HMCN2: variants seen among roughly 807,000 people sequenced by gnomAD.
The protein encoded by HMCN2 is hemicentin-2.
In HMCN2, 325 loss-of-function variants were observed where a neutral mutation model predicts 377.5. The observed-to-expected ratio is 0.86, with a 90% CI of 0.79 to 0.94. The LOEUF (loss-of-function observed/expected upper bound fraction) is 0.94, where lower values mean the gene tolerates loss of function less well. Ranked by LOEUF, HMCN2 falls within the 40% of genes least tolerant of loss-of-function variation. The pLI, the probability that HMCN2 is intolerant of heterozygous loss-of-function variation, is 0.00. For missense variants in HMCN2, 4,543 were observed against 4,725.3 expected (o/e 0.96, Z 1.13); for synonymous variants, 2,007 against 2,046.8 (o/e 0.98, Z 0.53).
At chr9:130,277,718 CCACCACCACCACCATCATCAT>C (rs1564739192) in intron 1 of HMCN2, among the ~76,000 whole-genome samples, 128 of 138,464 alleles carry the variant, frequency 9.2e-4, no homozygotes, top group Middle Eastern at 3.7e-3. Context: ...ATCATCATCA[CCACCACCACCACCATCATCAT>C]CACCACCACC....
At chr9:130,398,136 G>C (rs4740208) in intron 74 of HMCN2, among the ~76,000 whole-genome samples, 21,404 of 117,392 alleles carry the variant, frequency 0.18, 2,325 homozygotes, top group East Asian at 0.43. Context: ...CTGGGTGACA[G>C]AGTAAGACTC....
At chr9:130,402,086 T>G (rs1404696726) in intron 77 of HMCN2, among the ~76,000 whole-genome samples, 3 of 152,070 alleles carry the variant, frequency 2.0e-5, no homozygotes, top group East Asian at 3.9e-4. Flanking sequence ...CAAAACAAAA[T>G]ACAAAACAAA....
rs1484700057 is a variant in HMCN2, at chr9:130,417,533, A to C, written c.12962-1239A>C. Among the ~76,000 whole-genome samples the C allele has an allele frequency of 6.1e-5, 9 of 146,470 alleles. No homozygotes were observed. The South Asian group carries it at 1.1e-3, about 18-fold the overall frequency. On this transcript the variant is annotated intron_variant, in intron 85 of 97. Transcript: ENST00000683500. ...TGAGACTCCGTCTCAAAAAAAAAAAAAAAACAAAAAAAAACGAGAGAGACA... is the reference window on the plus strand; with the variant it reads ...TGAGACTCCGTCTCAAAAAAAAAAACAAAACAAAAAAAAACGAGAGAGACA...
At chr9:130,416,113 T>A (rs1383457335) in intron 85 of HMCN2, among the ~76,000 whole-genome samples, 2 of 149,638 alleles carry the variant, frequency 1.3e-5, no homozygotes, top group East Asian at 2.0e-4. Flanking sequence ...TTTTTTTTTT[T>A]TTTTTTTTGG....
intron 19 of HMCN2, among the ~76,000 whole-genome samples, chr9:130,323,700 T>A (rs976120187): frequency 3.3e-5 from 5 of 152,210 alleles, no homozygotes; most frequent in African/African-American, 9.6e-5. Flanking sequence ...CTTTTTTTTT[T>A]TTTATTTTAC....
chr9:130,359,955 G>A (rs955825736), intron 37 of HMCN2, among the ~76,000 whole-genome samples: 13 of 152,160 alleles, frequency 8.5e-5, no homozygotes, highest in Non-Finnish European at 1.8e-4. Flanking sequence ...ATGCAGGGAA[G>A]CTGCAGATAC....
At chr9:130,371,201 A>C (rs1023063407) in intron 46 of HMCN2, 70 bp downstream of exon 46, 1 of 881,846 alleles carries the variant, frequency 1.1e-6, no homozygotes. Flanking sequence ...TATCCATTAC[A>C]TGCCCATGAC....
chr9:130,424,159 A>G (rs914930614), intron 87 of HMCN2, among the ~76,000 whole-genome samples: 6 of 130,728 alleles, frequency 4.6e-5, no homozygotes, highest in African/African-American at 2.1e-4. Flanking sequence ...GTCCATATAT[A>G]TATATATATA....
intron 96 of HMCN2, among the ~76,000 whole-genome samples, chr9:130,432,194 G>A (rs959659966): frequency 1.3e-4 from 20 of 152,308 alleles, no homozygotes; most frequent in Non-Finnish European, 7.4e-5. Context: ...ACTTGCTCAG[G>A]AGGCCCCCAC....
chr9:130,302,207 C>G (rs2131337752), intron 8 of HMCN2, among the ~76,000 whole-genome samples: 1 of 152,190 alleles, frequency 6.6e-6, no homozygotes, highest in East Asian at 1.9e-4. Flanking sequence ...GACACCACGC[C>G]CAGCTAAGTT....
In HMCN2 at chr9:130,351,733, G is replaced by A. The variant is rs191997206; in HGVS notation, c.4585+156G>A. Among the ~76,000 whole-genome samples the A allele has an allele frequency of 1.7e-3, 258 of 152,250 alleles. No homozygotes were observed. The highest frequency in any genetic ancestry group is 5.8e-3 in the African/African-American group (241 of 41,546). The stretch of plus-strand genomic sequence containing the variant: ...AGCTGGGGGCTGGGGTCGGGGTTGG[G>A]GTCAGGGTCAGGGGATAGAGGTTAT... On this transcript the variant is annotated intron_variant, in intron 30 of 97. Transcript: ENST00000683500. This position sits in a 1 kb window ranked among gnomAD's most constrained non-coding sequence, Gnocchi z 5.4.
chr9:130,392,859 G>GTA (rs1842401599), intron 66 of HMCN2, among the ~76,000 whole-genome samples: 1 of 151,092 alleles, frequency 6.6e-6, no homozygotes, highest in Non-Finnish European at 1.5e-5. Context: ...AGCCGGGCCT[G>GTA]GTGGCGGGCG....
intron 90 of HMCN2, among the ~76,000 whole-genome samples, chr9:130,427,042 C>T (rs1844421554): frequency 6.6e-6 from 1 of 152,194 alleles, no homozygotes; most frequent in South Asian, 2.1e-4. Context: ...TGACCTCCTG[C>T]GTTTTATTTT....
rs1028503164 is a variant in HMCN2, at chr9:130,391,520, G to A, written c.9898G>A (p.Val3300Met). The stretch of plus-strand genomic sequence containing the variant: ...CTCGGACGCGGGTGCCTACACCTGC[G>A]TGGCCCACAACCCAGCCGGGGAGGA... ...RASDAGAYTC[V>M]AHNPAGEDAR... The change falls in exon 65 of 98, where the codon GTG (valine) becomes ATG (methionine). Residue 3300 changes from valine (V) to methionine (M), a missense_variant. This residue lies in a region of HMCN2 where 1,073 missense variants were observed against 1,319.5 expected (regional missense o/e 0.81). Transcript: ENST00000683500. 6 of 987,828 alleles carry A rather than the reference G, an allele frequency of 6.1e-6. No individual in the cohort carries two copies. The highest frequency in any genetic ancestry group is 1.1e-4 in the East Asian group (1 of 8,800). 61.2% of individuals were successfully genotyped at this position (987,828 alleles called of 1,614,324 possible). A position where few individuals can be genotyped will look rare whatever the true frequency, so the allele number is the denominator to read the frequency against.
At chr9:130,424,935 T>G in intron 88 of HMCN2, 22 bp downstream of exon 88, 1 of 1,465,592 alleles carries the variant, frequency 6.8e-7, no homozygotes, top group Non-Finnish European at 9.1e-7. Context: ...CTCCCCCAGG[T>G]GGGCCAGGTA....
chr9:130,327,904 G>A (rs985832619), intron 22 of HMCN2, among the ~76,000 whole-genome samples: 2 of 152,330 alleles, frequency 1.3e-5, no homozygotes, highest in Admixed American at 6.5e-5. Context: ...TGGCGGCTGG[G>A]CTGTCTGACT....
In HMCN2 at chr9:130,385,604, G is replaced by T. The variant is rs1019381952; in HGVS notation, c.9151G>T (p.Val3051Phe). 3 of 1,304,086 alleles carry T rather than the reference G, an allele frequency of 2.3e-6. No individual in the cohort carries two copies. Among genetic ancestry groups the T allele is most frequent in the Non-Finnish European group, 3.0e-6 (3 of 988,914 alleles). The allele number at this position is 1,304,086 out of a possible 1,614,324, so 80.8% of individuals were successfully genotyped here. A position where few individuals can be genotyped will look rare whatever the true frequency, so the allele number is the denominator to read the frequency against. ...RQAPRGPQDA[V>F]LVRVGDKAVL... ...GGCTCCCAGAGGTCCCCAGGATGCGGTCCTGGTGAGGGTCGGGGACAAAGC... is the reference window on the plus strand; with the variant it reads ...GGCTCCCAGAGGTCCCCAGGATGCGTTCCTGGTGAGGGTCGGGGACAAAGC... The change falls in exon 60 of 98, where the codon GTC becomes TTC. Residue 3051 changes from valine to phenylalanine, a missense_variant. Physicochemically the swap from Val to Phe is conservative, Grantham distance 50. Coordinates refer to ENST00000683500, the MANE Select transcript of HMCN2 (RefSeq NM_001291815.2).
At chr9:130,300,535 A>T (rs1275180544) in intron 8 of HMCN2, among the ~76,000 whole-genome samples, 3 of 152,186 alleles carry the variant, frequency 2.0e-5, no homozygotes, top group African/African-American at 7.2e-5. Flanking sequence ...CACTTCATAG[A>T]TAAGGAAACT....
At chr9:130,354,640 A>G in intron 31 of HMCN2, 123 bp from the exon 32 acceptor site, 1 of 831,866 alleles carries the variant, frequency 1.2e-6, no homozygotes, top group Non-Finnish European at 1.6e-6. Flanking sequence ...ACTGGAGGTG[A>G]GGGAAGGAAG....
Sources: allele counts gnomAD v4.1 joint callset (sites outside exome capture counted in the v4.1 genomes callset), GRCh38; gene constraint gnomAD v4.1.1; regional missense constraint gnomAD v4.1.1; non-coding constraint Gnocchi (gnomAD v3.1); transcripts MANE v1.5; gene names NCBI Gene and HGNC (gene_info 2026-07-23, HGNC 2026-07-21).